The following GPC5 variants were observed in gnomAD, a reference collection of about 807,000 sequenced individuals.
GPC5 encodes the protein glypican 5.
GPC5 carries 47 observed loss-of-function variants against 53.9 expected under a neutral mutation model. That is an observed-to-expected ratio of 0.87 (90% CI 0.69 to 1.11). GPC5 has a LOEUF of 1.11. Ranked by LOEUF, GPC5 falls within the 50% of genes most tolerant of loss-of-function variation. The probability of loss-of-function intolerance (pLI) is 0.00; values close to 1 mark genes in which losing one functional copy is unlikely to be tolerated. For synonymous variants in GPC5, 286 were observed against 263.3 expected (o/e 1.09, Z -0.84); for missense variants, 748 against 713.1 (o/e 1.05, Z -0.56).
chr13:92,335,706 T>C (rs1023947193), intron 7 of GPC5, among the ~76,000 whole-genome samples: 3 of 152,132 alleles, frequency 2.0e-5, no homozygotes, highest in African/African-American at 7.2e-5. Context: ...GTTCCAAAGA[T>C]CTCTAGGGCA....
At chr13:92,117,128 T>G (rs1264141863) in intron 6 of GPC5, among the ~76,000 whole-genome samples, 5 of 152,168 alleles carry the variant, frequency 3.3e-5, no homozygotes, top group Admixed American at 6.5e-5. Context: ...TTCTTTCCTG[T>G]GTTTCTTTCT....
intron 6 of GPC5, among the ~76,000 whole-genome samples, chr13:92,029,289 C>T (rs1024394643): frequency 6.6e-6 from 1 of 152,120 alleles, no homozygotes; most frequent in African/African-American, 2.4e-5. Flanking sequence ...GCATCAGGTC[C>T]TCAAAACTGA....
At chr13:92,576,706 C>T (rs998465004) in intron 7 of GPC5, among the ~76,000 whole-genome samples, 2 of 152,122 alleles carry the variant, frequency 1.3e-5, no homozygotes, top group Non-Finnish European at 2.9e-5. Flanking sequence ...ATCCCTTAAC[C>T]TCAAAATATG....
At chr13:92,500,980 A>G (rs1880162108) in intron 7 of GPC5, among the ~76,000 whole-genome samples, 1 of 152,174 alleles carries the variant, frequency 6.6e-6, no homozygotes. Context: ...CCAGTTGACT[A>G]TCTATAAAAC....
Position 92,655,723 on chromosome 13 carries a change from C to A in GPC5, c.1562-210559C>A, listed in dbSNP as rs544729661. Reference sequence around the variant, plus strand: ...CTGTTTGGGTTGAGCAAAATTAGAACTGACAACAGACCAGATGCTTCTATT... The same window carrying A: ...CTGTTTGGGTTGAGCAAAATTAGAAATGACAACAGACCAGATGCTTCTATT... On this transcript the variant is annotated intron_variant, in intron 7 of 7. Coordinates refer to ENST00000377067, the MANE Select transcript of GPC5 (RefSeq NM_004466.6). Among the ~76,000 whole-genome samples, 4 of 152,250 alleles carry A rather than the reference C, an allele frequency of 2.6e-5. No individual in the cohort carries two copies. In the East Asian group the frequency reaches 7.7e-4, roughly 29 times the overall value.
At chr13:92,313,613 G>C (rs900240333) in intron 7 of GPC5, among the ~76,000 whole-genome samples, 1 of 152,132 alleles carries the variant, frequency 6.6e-6, no homozygotes, top group African/African-American at 2.4e-5. Flanking sequence ...GCCAGTTTCT[G>C]TTTTGCCTGA....
intron 7 of GPC5, among the ~76,000 whole-genome samples, chr13:92,486,982 A>G (rs947019321): frequency 6.6e-5 from 10 of 152,126 alleles, no homozygotes; most frequent in African/African-American, 1.7e-4. Flanking sequence ...CAGCCTCTCA[A>G]GTAGCTGGGA....
At chr13:91,993,674 T>A (rs1449602992) in intron 6 of GPC5, among the ~76,000 whole-genome samples, 1 of 152,114 alleles carries the variant, frequency 6.6e-6, no homozygotes, top group Non-Finnish European at 1.5e-5. Flanking sequence ...ACAATGAACA[T>A]TTTTTTCATG....
At chr13:92,632,799 G>A (rs1885294666) in intron 7 of GPC5, among the ~76,000 whole-genome samples, 1 of 152,058 alleles carries the variant, frequency 6.6e-6, no homozygotes, top group African/African-American at 2.4e-5. Context: ...TTACAATCCT[G>A]GTGAAAGGCA....
At chr13:92,577,093 A>C (rs1421845475) in intron 7 of GPC5, among the ~76,000 whole-genome samples, 1 of 152,198 alleles carries the variant, frequency 6.6e-6, no homozygotes, top group East Asian at 1.9e-4. Flanking sequence ...AAGCTATAAA[A>C]GTTCACCTAC....
chr13:92,380,279 C>T (rs1394395089), intron 7 of GPC5, among the ~76,000 whole-genome samples: 1 of 152,116 alleles, frequency 6.6e-6, no homozygotes, highest in African/African-American at 2.4e-5. Context: ...CTTGGAGAGG[C>T]AACCCTCTCC....
chr13:92,499,975 C>T (rs939722382), intron 7 of GPC5, among the ~76,000 whole-genome samples: 1 of 152,110 alleles, frequency 6.6e-6, no homozygotes, highest in African/African-American at 2.4e-5. Context: ...TCTTTGAGGA[C>T]TCTAAAAAGT....
chr13:92,562,685 A>T (rs1394643791), intron 7 of GPC5, among the ~76,000 whole-genome samples: 1 of 152,008 alleles, frequency 6.6e-6, no homozygotes, highest in African/African-American at 2.4e-5. Flanking sequence ...TGGGGGCTAG[A>T]TTCCAGTCCA....
At chr13:92,209,224 A>G (rs953995944) in intron 7 of GPC5, among the ~76,000 whole-genome samples, 1 of 152,224 alleles carries the variant, frequency 6.6e-6, no homozygotes, top group African/African-American at 2.4e-5. Flanking sequence ...AATGTTTGAC[A>G]TAGAGATGTA....
rs548601814 is a variant in GPC5, at chr13:92,718,947, C to T, written c.1562-147335C>T. 3.6e-3 allele frequency among the ~76,000 whole-genome samples: 540 copies of T among 150,218 alleles called. 5 individuals are homozygous for T. The highest frequency in any genetic ancestry group is 4.6e-3 in the Admixed American group (69 of 15,048). Reference sequence around the variant, plus strand: ...AATGAAAGAATAAGAATGTTTGTAACACAAAGGAAGGATAAATGCTTGAGG... The same window carrying T: ...AATGAAAGAATAAGAATGTTTGTAATACAAAGGAAGGATAAATGCTTGAGG... On this transcript the variant is annotated intron_variant, in intron 7 of 7. Coordinates refer to ENST00000377067, the MANE Select transcript of GPC5 (RefSeq NM_004466.6).
chr13:92,070,666 T>C (rs1321279260), intron 6 of GPC5, among the ~76,000 whole-genome samples: 6 of 152,234 alleles, frequency 3.9e-5, no homozygotes, highest in Non-Finnish European at 8.8e-5. Flanking sequence ...ACACTAAATA[T>C]ATACAAGCTA....
At chr13:92,333,652 T>C (rs193298897) in intron 7 of GPC5, among the ~76,000 whole-genome samples, 3 of 152,256 alleles carry the variant, frequency 2.0e-5, no homozygotes, top group Admixed American at 1.3e-4. Flanking sequence ...ACCTTACTAC[T>C]GCATTATTGA....
At position 91,973,560 on chromosome 13, in the gene GPC5, C is replaced by T. The variant is rs577450225; in HGVS notation, c.1401+65503C>T. ...GAGGCACTCTGCTTTTTAGAGTTTCCGGTTTTTCTGCTCTGTTTTTTCCCC... is the reference window on the plus strand; with the variant it reads ...GAGGCACTCTGCTTTTTAGAGTTTCTGGTTTTTCTGCTCTGTTTTTTCCCC... On this transcript the variant is annotated intron_variant, in intron 6 of 7. Coordinates refer to ENST00000377067, the MANE Select transcript of GPC5 (RefSeq NM_004466.6). 3.9e-4 allele frequency among the ~76,000 whole-genome samples: 59 copies of T among 152,278 alleles called. No homozygotes were observed. The East Asian group carries it at 9.3e-3, about 24-fold the overall frequency.
Position 92,446,156 on chromosome 13 carries a change from T to A in GPC5, c.1561+301167T>A, listed in dbSNP as rs1594209272. ...TAAATTATTGCTGACTATAGTCACT[T>A]TGTGCTATAAAATACTAGATTTTAT... On this transcript the variant is annotated intron_variant, in intron 7 of 7. Transcript: ENST00000377067. Among the ~76,000 whole-genome samples the A allele has an allele frequency of 3.3e-5, 5 of 152,124 alleles. No homozygotes were observed. In the East Asian group the frequency reaches 9.7e-4, roughly 29 times the overall value.
Sources: allele counts gnomAD v4.1 joint callset (sites outside exome capture counted in the v4.1 genomes callset), GRCh38; gene constraint gnomAD v4.1.1; transcripts MANE v1.5; gene names NCBI Gene and HGNC (gene_info 2026-07-23, HGNC 2026-07-21).